The following TNFAIP8 variants were observed in gnomAD, a reference collection of about 807,000 sequenced individuals.
TNFAIP8 encodes the protein TNF alpha induced protein 8, also known as tumor necrosis factor alpha-induced protein 8.
Under a neutral mutation model 13.3 loss-of-function variants are expected in TNFAIP8, and 7 were observed. The ratio of observed to expected loss-of-function variants is 0.52; its 90% confidence interval spans 0.30 to 0.99. The LOEUF is 0.99. TNFAIP8 is among the 50% of genes least tolerant of loss of function. The pLI is 0.07. For missense variants in TNFAIP8, 258 were observed against 236.9 expected, an observed-to-expected ratio of 1.09 and a Z score of -0.58; for synonymous variants, 94 against 87.6, an observed-to-expected ratio of 1.07 and a Z score of -0.41.
chr5:119,287,651 G>T (rs1561983791), intron 1 of TNFAIP8, among the ~76,000 whole-genome samples: 1 of 152,034 alleles, frequency 6.6e-6, no homozygotes, highest in African/African-American at 2.4e-5. Flanking sequence ...TCTGCTTCTA[G>T]GAAGTAACTC....
At chr5:119,353,275 T>C (rs1336661704), upstream of TNFAIP8, among the ~76,000 whole-genome samples, 1 of 152,196 alleles carries the variant, frequency 6.6e-6, no homozygotes, top group Non-Finnish European at 1.5e-5. Context: ...AAGAAGTAAA[T>C]TATCCCCTTT....
intron 1 of TNFAIP8, among the ~76,000 whole-genome samples, chr5:119,300,197 T>C (rs1749342062): frequency 6.6e-6 from 1 of 152,230 alleles, no homozygotes; most frequent in African/African-American, 2.4e-5. Flanking sequence ...ACCTGTCTTC[T>C]GTGTCGCTCA....
chr5:119,312,613 A>C (rs957371907), intron 1 of TNFAIP8, among the ~76,000 whole-genome samples: 2 of 151,854 alleles, frequency 1.3e-5, no homozygotes, highest in African/African-American at 4.8e-5. Context: ...GGAAATAAGA[A>C]TGTAGCTGGG....
chr5:119,385,956 T>TGA (rs1752651901), intron 1 of TNFAIP8, among the ~76,000 whole-genome samples: 1 of 152,228 alleles, frequency 6.6e-6, no homozygotes, highest in Non-Finnish European at 1.5e-5. Flanking sequence ...TGTACTTATC[T>TGA]TACAGATGAG....
intron 1 of TNFAIP8, among the ~76,000 whole-genome samples, chr5:119,388,807 T>C (rs1242131756): frequency 6.6e-6 from 1 of 151,416 alleles, no homozygotes; most frequent in Non-Finnish European, 1.5e-5. Context: ...TATTTTTTTT[T>C]TTTTTTGAGT....
intron 1 of TNFAIP8, among the ~76,000 whole-genome samples, chr5:119,283,595 G>A (rs894785421): frequency 2.6e-4 from 39 of 152,210 alleles, no homozygotes; most frequent in African/African-American, 9.4e-4. Context: ...AGAGCTTGCT[G>A]TAAGAGAGTC....
intron 1 of TNFAIP8, among the ~76,000 whole-genome samples, chr5:119,356,915 G>A (rs1332348624): frequency 6.6e-6 from 1 of 152,116 alleles, no homozygotes; most frequent in Non-Finnish European, 1.5e-5. Context: ...GGGGGTGGGA[G>A]TAAGGGTGGT....
At position 119,350,993 on chromosome 5, in the gene TNFAIP8, TCA is replaced by T. The variant is rs1491450727; in HGVS notation, c.2-41821_2-41820del. 6.0e-3 allele frequency among the ~76,000 whole-genome samples: 737 copies of T among 122,174 alleles called. 2 individuals are homozygous for T. Among genetic ancestry groups the T allele is most frequent in the African/African-American group, 0.013 (348 of 26,478 alleles). 80.2% of individuals were successfully genotyped at this position (122,174 alleles called of 152,430 possible). A position where few individuals can be genotyped will look rare whatever the true frequency, so the allele number is the denominator to read the frequency against. On this transcript the variant is annotated intron_variant, in intron 1 of 1. Transcript: ENST00000274456. ...GTGTGTGTGTGTAGAGAGAGGGGTC[TCA>T]CTCTGTGTGTGTGTGTGTGTGTGTG...
At chr5:119,309,834 G>A (rs1440599926) in intron 1 of TNFAIP8, among the ~76,000 whole-genome samples, 1 of 152,244 alleles carries the variant, frequency 6.6e-6, no homozygotes, top group Non-Finnish European at 1.5e-5. Flanking sequence ...GGCTCAAGAA[G>A]TCTGGGGCGG....
chr5:119,356,090 T>G lies in TNFAIP8; in HGVS notation c.-1T>G, dbSNP rs755538995. On this transcript the variant is annotated 5_prime_UTR_variant, in exon 1 of 2. The change creates a new upstream start codon in the 5' untranslated region. Coordinates refer to ENST00000504771, the MANE Select transcript of TNFAIP8 (RefSeq NM_014350.4). ...CCCCTGCAGCTGGTTATCCTGACAT[T>G]ATGCACTCCGAAGCAGAAGAATCCA... is the stretch of plus-strand genomic sequence containing the variant. The G allele has an allele frequency of 6.3e-7, 1 of 1,586,768 alleles. No individual in the cohort carries two copies. The highest frequency in any genetic ancestry group is 8.6e-7 in the Non-Finnish European group (1 of 1,164,888).
At chr5:119,357,691 C>T (rs1483182399) in intron 1 of TNFAIP8, among the ~76,000 whole-genome samples, 1 of 151,620 alleles carries the variant, frequency 6.6e-6, no homozygotes, top group East Asian at 1.9e-4. Flanking sequence ...TAATGGGGCC[C>T]CTTCTGCTTG....
intron 1 of TNFAIP8, among the ~76,000 whole-genome samples, chr5:119,308,341 C>G (rs1321437672): frequency 6.7e-6 from 1 of 150,008 alleles, no homozygotes; most frequent in African/African-American, 2.5e-5. Context: ...TTCTCTCTTT[C>G]TGTTTAATTA....
intron 1 of TNFAIP8, among the ~76,000 whole-genome samples, chr5:119,374,710 A>G (rs1040808629): frequency 1.3e-5 from 2 of 152,186 alleles, no homozygotes; most frequent in Non-Finnish European, 2.9e-5. Context: ...GCATATGCCT[A>G]CGGGAGCCAG....
intron 1 of TNFAIP8, among the ~76,000 whole-genome samples, chr5:119,312,072 T>C (rs1360106446): frequency 6.6e-6 from 1 of 152,232 alleles, no homozygotes; most frequent in Non-Finnish European, 1.5e-5. Flanking sequence ...GTATATAATA[T>C]GGTCCTGTTT....
At chr5:119,382,222 A>G (rs938474558) in intron 1 of TNFAIP8, among the ~76,000 whole-genome samples, 4 of 152,124 alleles carry the variant, frequency 2.6e-5, no homozygotes, top group Non-Finnish European at 5.9e-5. Context: ...ACCTCCCTCT[A>G]TCACCCCATC....
chr5:119,307,073 A>T (rs964407657), intron 1 of TNFAIP8, among the ~76,000 whole-genome samples: 12 of 152,248 alleles, frequency 7.9e-5, no homozygotes, highest in African/African-American at 2.9e-4. Flanking sequence ...AGTTGATGAC[A>T]TACAGAAAAT....
intron 1 of TNFAIP8, among the ~76,000 whole-genome samples, chr5:119,389,537 CA>C (rs1202945242): frequency 6.6e-6 from 1 of 152,198 alleles, no homozygotes; most frequent in Non-Finnish European, 1.5e-5. Context: ...TGGCTAACAG[CA>C]GTTAATTTGC....
At chr5:119,318,241 T>G (rs1749956040) in intron 1 of TNFAIP8, among the ~76,000 whole-genome samples, 1 of 151,908 alleles carries the variant, frequency 6.6e-6, no homozygotes, top group African/African-American at 2.4e-5. Flanking sequence ...TAAACGGGGA[T>G]TTCAAGTGGT....
chr5:119,296,895 T>C (rs1749195261), intron 1 of TNFAIP8, among the ~76,000 whole-genome samples: 2 of 152,178 alleles, frequency 1.3e-5, no homozygotes, highest in South Asian at 4.1e-4. Flanking sequence ...TTCTTCTAGA[T>C]TTTCTAGTTT....
Sources: gnomAD v4.1 joint callset for allele counts (sites outside exome capture counted in the v4.1 genomes callset) on GRCh38, gnomAD v4.1.1 for gene constraint, MANE v1.5 for transcripts, NCBI Gene and HGNC (gene_info 2026-07-23, HGNC 2026-07-21) for gene names.